ANK3: variants seen among roughly 807,000 people sequenced by gnomAD.
ANK3 encodes the protein ankyrin 3, also known as ankyrin-3.
In ANK3, 57 loss-of-function variants were observed where a neutral mutation model predicts 370.9. The ratio of observed to expected loss-of-function variants is 0.15; its 90% CI spans 0.12 to 0.19. The LOEUF is 0.19. ANK3 is among the 10% of genes least tolerant of loss of function. The probability of loss-of-function intolerance (pLI) is 1.00; values close to 1 mark genes in which losing one functional copy is unlikely to be tolerated. For synonymous variants in ANK3, 1,929 were observed against 1,946.3 expected (o/e 0.99, Z 0.23); for missense variants, 4,439 against 5,302.1 (o/e 0.84, Z 5.06).
chr10:60,365,390 A>G lies in ANK3; in HGVS notation c.114+24035T>C, dbSNP rs903581697. 8.7e-4 allele frequency among the ~76,000 whole-genome samples: 132 copies of G among 152,198 alleles called. 3 individuals carry two copies. The highest frequency in any genetic ancestry group is 5.3e-4 in the Non-Finnish European group (36 of 68,032). On this transcript the variant is annotated intron_variant, in intron 1 of 43. Transcript: ENST00000280772. ...ACACCTATCACCATTTTCCTTGAGC[A>G]GTTTTCATGTTTGTTGTAAAATAAA... is the stretch of plus-strand genomic sequence containing the variant.
At position 60,355,618 on chromosome 10, in the gene ANK3, C is replaced by T. The variant is rs1474265620; in HGVS notation, c.114+33807G>A. 7.2e-5 allele frequency among the ~76,000 whole-genome samples: 11 copies of T among 152,292 alleles called. No homozygotes were observed. The East Asian group carries it at 2.1e-3, about 29-fold the overall frequency. On this transcript the variant is annotated intron_variant, in intron 1 of 43. Transcript: ENST00000280772. ...GACAAGCTGGCTGAACAACCAAAGG[C>T]TCCCCCTTCTAACCTACTCACAAAA... is the stretch of plus-strand genomic sequence containing the variant.
chr10:60,259,325 C>T (rs555133315), intron 7 of ANK3, among the ~76,000 whole-genome samples: 1 of 152,254 alleles, frequency 6.6e-6, no homozygotes, highest in East Asian at 1.9e-4. Flanking sequence ...TATGCAACAG[C>T]CCAAGCCTCC....
chr10:60,140,118 T>C, intron 23 of ANK3: 1 of 564,192 alleles, frequency 1.8e-6, no homozygotes, highest in Non-Finnish European at 3.1e-6. Flanking sequence ...ACATTTTCCA[T>C]TCATTTAAAC....
At chr10:60,176,624 G>A (rs546022551) in intron 18 of ANK3, among the ~76,000 whole-genome samples, 2 of 152,154 alleles carry the variant, frequency 1.3e-5, no homozygotes, top group East Asian at 3.9e-4. Flanking sequence ...TTAGCCAGGC[G>A]TGGCGGTGCC....
chr10:60,380,329 A>T (rs2061393149), intron 1 of ANK3, among the ~76,000 whole-genome samples: 1 of 152,102 alleles, frequency 6.6e-6, no homozygotes, highest in South Asian at 2.1e-4. Context: ...TCCAGGAAAG[A>T]CTCATCTCGT....
chr10:60,683,403 G>A (rs2079223174), intron 1 of ANK3, among the ~76,000 whole-genome samples: 1 of 152,166 alleles, frequency 6.6e-6, no homozygotes, highest in African/African-American at 2.4e-5. Context: ...TCAAATCCAT[G>A]CTACCAAACT....
chr10:60,608,032 C>G (rs2078151315), intron 2 of ANK3, among the ~76,000 whole-genome samples: 1 of 152,150 alleles, frequency 6.6e-6, no homozygotes, highest in Admixed American at 6.6e-5. Context: ...TATCAGCAGG[C>G]AGCATGGCCC....
intron 2 of ANK3, among the ~76,000 whole-genome samples, chr10:60,525,990 AT>A (rs948283951): frequency 2.6e-5 from 4 of 152,104 alleles, no homozygotes; most frequent in African/African-American, 9.7e-5. Flanking sequence ...GAGAAAGGAT[AT>A]TTGAGCCTTA....
At position 60,071,324 on chromosome 10, in the gene ANK3, G is replaced by A. The variant is rs769841771; in HGVS notation, c.9557C>T (p.Pro3186Leu). The change falls in exon 37 of 44, where the codon CCT (proline) becomes CTT (leucine). Residue 3186 changes from proline to leucine, a missense_variant. Pro to Leu is a moderately conservative substitution (Grantham distance 98). Transcript: ENST00000280772. ...EVSYEFTSKT[P>L]DSLIAYIPGK... ...TGGTATATAAGCTATGAGCGAGTCAGGTGTCTTAGATGTAAATTCATAACT... is the reference window on the plus strand; with the variant it reads ...TGGTATATAAGCTATGAGCGAGTCAAGTGTCTTAGATGTAAATTCATAACT... 6.2e-7 allele frequency: 1 copy of A among 1,613,936 alleles called. No individual in the cohort carries two copies. The highest frequency in any genetic ancestry group is 1.3e-5 in the African/African-American group (1 of 74,882).
intron 1 of ANK3, among the ~76,000 whole-genome samples, chr10:60,648,287 G>A (rs1238050729): frequency 1.3e-4 from 20 of 149,322 alleles, no homozygotes; most frequent in African/African-American, 4.9e-4. Context: ...CGAGTAGCTG[G>A]GATTACAGGC....
intron 1 of ANK3, among the ~76,000 whole-genome samples, chr10:60,387,438 GTACAT>G (rs1398309155): frequency 7.9e-6 from 1 of 126,604 alleles, no homozygotes; most frequent in Non-Finnish European, 1.7e-5. Context: ...TCTTAACTTT[GTACAT>G]TACAAGTAGT....
intron 1 of ANK3, among the ~76,000 whole-genome samples, chr10:60,619,680 A>G (rs1054037105): frequency 1.3e-5 from 2 of 152,162 alleles, no homozygotes; most frequent in Non-Finnish European, 2.9e-5. Context: ...TTTATTTGAT[A>G]AAAGATGAAA....
At chr10:60,639,918 C>T (rs2078606930) in intron 1 of ANK3, among the ~76,000 whole-genome samples, 1 of 151,834 alleles carries the variant, frequency 6.6e-6, no homozygotes, top group Non-Finnish European at 1.5e-5. Flanking sequence ...AAAAAAGTAT[C>T]AAGCTGGATA....
intron 1 of ANK3, among the ~76,000 whole-genome samples, chr10:60,672,551 T>C (rs1355040412): frequency 2.0e-5 from 3 of 152,208 alleles, no homozygotes; most frequent in Non-Finnish European, 2.9e-5. Flanking sequence ...CCCAACTCTA[T>C]GAAGACAGAA....
chr10:60,617,275 C>T (rs2078279326), intron 1 of ANK3, among the ~76,000 whole-genome samples: 1 of 151,704 alleles, frequency 6.6e-6, no homozygotes. Context: ...TTATGCTTGT[C>T]CTCCCAGTCC....
chr10:60,398,779 G>A (rs775041734), intron 2 of ANK3, among the ~76,000 whole-genome samples: 5 of 152,156 alleles, frequency 3.3e-5, no homozygotes, highest in Non-Finnish European at 7.4e-5. Flanking sequence ...TAGTACAGGT[G>A]ATTGCATATG....
chr10:60,575,326 TG>T (rs1014655117), intron 2 of ANK3, among the ~76,000 whole-genome samples: 5 of 148,118 alleles, frequency 3.4e-5, no homozygotes, highest in African/African-American at 7.3e-5. Context: ...AAGTGCTCTC[TG>T]CTGGTTGGAT....
intron 43 of ANK3, 83 bp from the exon 44 acceptor site, chr10:60,029,909 A>G (rs2072989774): frequency 1.1e-5 from 1 of 92,338 alleles, no homozygotes; most frequent in African/African-American, 5.2e-5. Flanking sequence ...TTTTTTTAAG[A>G]CAACTAGTGT....
In ANK3 at chr10:60,389,302, A is replaced by G. The variant is rs2062868707; in HGVS notation, c.114+123T>C. On this transcript the variant is annotated intron_variant, in intron 1 of 43. Coordinates refer to ENST00000280772, the MANE Select transcript of ANK3 (RefSeq NM_020987.5). ...AGGGTTTATCATCTGTTCCCAATTT[A>G]CACACCCAATTTACACTCTACCCAG... is the stretch of plus-strand genomic sequence containing the variant. The G allele has an allele frequency of 4.4e-6, 4 of 905,812 alleles. No homozygotes were observed. The South Asian group carries it at 5.1e-5, about 12-fold the overall frequency. 56.1% of individuals were successfully genotyped at this position (905,812 alleles called of 1,614,324 possible).
Sources: allele counts gnomAD v4.1 joint callset (sites outside exome capture counted in the v4.1 genomes callset), GRCh38; gene constraint gnomAD v4.1.1; transcripts MANE v1.5; gene names NCBI Gene and HGNC (gene_info 2026-07-23, HGNC 2026-07-21).